LYRM4: variants seen among roughly 807,000 people sequenced by gnomAD.
The protein encoded by LYRM4 is LYR motif-containing protein 4.
Under a neutral mutation model 11.7 loss-of-function variants are expected in LYRM4, and 9 were observed. That is an observed-to-expected ratio of 0.77 (90% CI 0.46 to 1.34). The LOEUF is 1.34. LYRM4 is among the 40% of genes most tolerant of loss of function. The probability of loss-of-function intolerance (pLI) is 0.00; values close to 1 mark genes in which losing one functional copy is unlikely to be tolerated. For missense variants in LYRM4, 133 were observed against 112.5 expected, an observed-to-expected ratio of 1.18 and a Z score of -0.82; for synonymous variants, 42 against 40.4, an observed-to-expected ratio of 1.04 and a Z score of -0.15.
At chr6:5,113,386 C>T (rs1053197633) in intron 2 of LYRM4, 5 of 425,892 alleles carry the variant, frequency 1.2e-5, no homozygotes, top group Non-Finnish European at 2.4e-5. Context: ...CCACTGCACT[C>T]CAGCCTGGGT....
chr6:5,223,538 A>C (rs1269824618), intron 1 of LYRM4, among the ~76,000 whole-genome samples: 2 of 152,186 alleles, frequency 1.3e-5, no homozygotes, highest in Admixed American at 1.3e-4. Context: ...CTTGGTATAA[A>C]GCCGAGTGGT....
At chr6:5,243,903 A>G (rs562269025) in intron 1 of LYRM4, among the ~76,000 whole-genome samples, 1 of 152,184 alleles carries the variant, frequency 6.6e-6, no homozygotes, top group Non-Finnish European at 1.5e-5. Context: ...TTATTCCTAC[A>G]CCAAATTTTG....
intron 2 of LYRM4, among the ~76,000 whole-genome samples, chr6:5,132,410 TAAAA>T (rs1165652411): frequency 2.7e-5 from 4 of 150,622 alleles, no homozygotes; most frequent in African/African-American, 9.7e-5. Flanking sequence ...ATCTAGCACT[TAAAA>T]AAAACAAAAA....
At chr6:5,253,688 CCAATTGAGAG>C (rs1764537967) in intron 1 of LYRM4, among the ~76,000 whole-genome samples, 1 of 152,000 alleles carries the variant, frequency 6.6e-6, no homozygotes, top group Non-Finnish European at 1.5e-5. Flanking sequence ...TTGTCACCGA[CCAATTGAGAG>C]CAATCATGGA....
intron 2 of LYRM4, among the ~76,000 whole-genome samples, chr6:5,196,980 C>T (rs115069615): frequency 0.017 from 2,593 of 152,170 alleles, 29 homozygotes; most frequent in Non-Finnish European, 0.025. Flanking sequence ...CAATTAAAAA[C>T]GCACAAGATT....
chr6:5,041,737 T>A, the LYRM4 span, among the ~76,000 whole-genome samples: 1 of 152,244 alleles, frequency 6.6e-6, no homozygotes, highest in African/African-American at 2.4e-5. Context: ...CATGAACTCC[T>A]AAGCTGGCAG....
At chr6:5,202,857 G>C (rs1260563447) in intron 2 of LYRM4, among the ~76,000 whole-genome samples, 2 of 152,176 alleles carry the variant, frequency 1.3e-5, no homozygotes, top group African/African-American at 4.8e-5. Flanking sequence ...AGGAATTCAA[G>C]TTTGTGGAAT....
chr6:5,260,590 AC>A (rs1765002092), intron 1 of LYRM4, 57 bp downstream of exon 1: 5 of 1,270,476 alleles, frequency 3.9e-6, no homozygotes, highest in Non-Finnish European at 5.5e-6. Flanking sequence ...GTCAGCCCGC[AC>A]CCCCGGTCCC....
chr6:5,109,434 G>A lies in LYRM4; in HGVS notation c.265C>T (p.Pro89Ser). The change falls in exon 3 of 3, where the codon CCC (proline) becomes TCC (serine). Residue 89 changes from proline (P) to serine (S), a missense_variant. Coordinates refer to ENST00000330636, the MANE Select transcript of LYRM4 (RefSeq NM_020408.6). Reference sequence around the variant, plus strand: ...TGGTCCCCGGCTTGCTAGGTCCTGGGCATGTCTCGATTCTCAATGATCAGC... The same window carrying A: ...TGGTCCCCGGCTTGCTAGGTCCTGGACATGTCTCGATTCTCAATGATCAGC... The part of the protein sequence containing the change: ...DKLIIENRDM[P>S]RT The A allele has an allele frequency of 6.2e-7, 1 of 1,614,098 alleles. No homozygotes were observed. Among genetic ancestry groups the A allele is most frequent in the Non-Finnish European group, 8.5e-7 (1 of 1,179,968 alleles).
intron 1 of LYRM4, among the ~76,000 whole-genome samples, chr6:5,238,070 C>T (rs773484573): frequency 6.6e-5 from 10 of 152,094 alleles, no homozygotes; most frequent in Non-Finnish European, 1.3e-4. Flanking sequence ...TTCTAACCAC[C>T]CTTTTGCTTG....
At chr6:5,094,368 A>G in the LYRM4 span, among the ~76,000 whole-genome samples, 1 of 152,182 alleles carries the variant, frequency 6.6e-6, no homozygotes, top group Non-Finnish European at 1.5e-5. Context: ...CCCGTAGTCC[A>G]AGCTACTCAG....
At chr6:5,186,432 T>C (rs547082554) in intron 2 of LYRM4, among the ~76,000 whole-genome samples, 29 of 152,334 alleles carry the variant, frequency 1.9e-4, no homozygotes, top group African/African-American at 6.7e-4. Flanking sequence ...TTCTGGTGTG[T>C]TGGACTAAGA....
chr6:5,150,133 T>C (rs528531455), intron 2 of LYRM4, among the ~76,000 whole-genome samples: 1 of 152,284 alleles, frequency 6.6e-6, no homozygotes, highest in East Asian at 1.9e-4. Flanking sequence ...CCGCAGCCCA[T>C]CTGTCCCATA....
At chr6:5,189,824 C>T (rs564451764) in intron 2 of LYRM4, among the ~76,000 whole-genome samples, 35 of 152,344 alleles carry the variant, frequency 2.3e-4, no homozygotes, top group Non-Finnish European at 4.3e-4. Flanking sequence ...TCACTGTTCT[C>T]CCCAATCCAG....
chr6:5,202,811 T>C (rs765048195), intron 2 of LYRM4, among the ~76,000 whole-genome samples: 4 of 152,210 alleles, frequency 2.6e-5, no homozygotes, highest in Non-Finnish European at 5.9e-5. Context: ...CATAAGGGTA[T>C]TCCATAAATA....
chr6:5,241,182 G>T (rs1327520511), intron 1 of LYRM4, among the ~76,000 whole-genome samples: 1 of 151,966 alleles, frequency 6.6e-6, no homozygotes, highest in Non-Finnish European at 1.5e-5. Context: ...ATGGGAGATG[G>T]TTAATAAAAA....
the LYRM4 span, chr6:5,054,273 C>A: frequency 6.0e-4 from 109 of 182,966 alleles, 1 homozygote; most frequent in African/African-American, 2.5e-3. Flanking sequence ...ATTGTCCCAA[C>A]AACTCTGAGA....
At chr6:5,033,635 T>C in the LYRM4 span, 1 of 152,272 alleles carries the variant, frequency 6.6e-6, no homozygotes, top group Non-Finnish European at 1.5e-5. Context: ...AGCCACACTT[T>C]TAAGTTGAGA....
intron 2 of LYRM4, among the ~76,000 whole-genome samples, 173 bp downstream of exon 2, chr6:5,216,445 G>A (rs1762275855): frequency 1.3e-5 from 2 of 152,144 alleles, no homozygotes; most frequent in African/African-American, 2.4e-5. Flanking sequence ...AGTTCAACTT[G>A]AATCTGAAAA....
Sources: gnomAD v4.1 joint callset for allele counts (sites outside exome capture counted in the v4.1 genomes callset) on GRCh38, gnomAD v4.1.1 for gene constraint, MANE v1.5 for transcripts, NCBI Gene and HGNC (gene_info 2026-07-23, HGNC 2026-07-21) for gene names.